The following GALK2 variants were observed in gnomAD, a reference collection of about 807,000 sequenced individuals.
GALK2 encodes the protein galactokinase 2.
GALK2 carries 36 observed loss-of-function variants against 52.4 expected under a neutral mutation model. The observed-to-expected ratio is 0.69, with a 90% CI of 0.53 to 0.91. The LOEUF (loss-of-function observed/expected upper bound fraction) is 0.91. Ranked by LOEUF, GALK2 falls within the 40% of genes least tolerant of loss-of-function variation. The probability of loss-of-function intolerance (pLI) is 0.00; values close to 1 mark genes in which losing one functional copy is unlikely to be tolerated. For synonymous variants in GALK2, 176 were observed against 199.1 expected, an observed-to-expected ratio of 0.88 and a Z score of 0.98; for missense variants, 579 against 559.1, an observed-to-expected ratio of 1.04 and a Z score of -0.36.
At chr15:49,171,856 C>G (rs1228040155) in intron 1 of GALK2, among the ~76,000 whole-genome samples, 1 of 151,792 alleles carries the variant, frequency 6.6e-6, no homozygotes, top group Non-Finnish European at 1.5e-5. Flanking sequence ...ACTGCAACCT[C>G]CACCTCCCAG....
At chr15:49,281,963 A>G in intron 5 of GALK2, 24 bp from the exon 6 acceptor site, 1 of 1,564,038 alleles carries the variant, frequency 6.4e-7, no homozygotes, top group Non-Finnish European at 8.8e-7. Flanking sequence ...TACTCACAGT[A>G]CAAATCAGTT....
rs1291528002 is a variant in GALK2, at chr15:49,311,072, G to C, written c.968-8532G>C. 2.0e-5 allele frequency among the ~76,000 whole-genome samples: 3 copies of C among 151,992 alleles called. No individual in the cohort carries two copies. The East Asian group carries it at 5.8e-4, about 29-fold the overall frequency. ...CATCTTAAGTTGATTTTTTTATATG[G>C]TGAGAGACAGGAGTCTATTTGTCTT... On this transcript the variant is annotated intron_variant, in intron 8 of 9. Transcript: ENST00000560031.
At chr15:49,239,007 G>T (rs1288439651) in intron 4 of GALK2, among the ~76,000 whole-genome samples, 1 of 151,850 alleles carries the variant, frequency 6.6e-6, no homozygotes, top group East Asian at 1.9e-4. Flanking sequence ...TTCAAGGCAA[G>T]AAAATTAAAG....
intron 7 of GALK2, among the ~76,000 whole-genome samples, chr15:49,290,639 T>C (rs1322849044): frequency 6.6e-6 from 1 of 152,238 alleles, no homozygotes; most frequent in Non-Finnish European, 1.5e-5. Context: ...TACTGTGGAC[T>C]GAAAGCTTCT....
chr15:49,302,498 C>G (rs1483939593), intron 8 of GALK2, among the ~76,000 whole-genome samples: 3 of 152,102 alleles, frequency 2.0e-5, no homozygotes, highest in Non-Finnish European at 2.9e-5. Context: ...ATGCAGTTCT[C>G]ATAGATTATC....
intron 5 of GALK2, among the ~76,000 whole-genome samples, chr15:49,257,269 T>C (rs960305767): frequency 2.0e-5 from 3 of 152,188 alleles, no homozygotes; most frequent in Non-Finnish European, 2.9e-5. Context: ...AAAGTTGTCA[T>C]AGTAACAGTT....
At chr15:49,205,197 C>T (rs1315001259) in intron 2 of GALK2, among the ~76,000 whole-genome samples, 1 of 152,130 alleles carries the variant, frequency 6.6e-6, no homozygotes, top group African/African-American at 2.4e-5. Context: ...CATGCGCGTG[C>T]ACATATCTTT....
chr15:49,228,682 T>TATATATATATATAC (rs1555409030), intron 3 of GALK2, among the ~76,000 whole-genome samples: 3 of 14,558 alleles, frequency 2.1e-4, no homozygotes, highest in African/African-American at 8.6e-4. Context: ...TATATATATA[T>TATATATATATATAC]ATATATTTTT....
chr15:49,320,659 A>C (rs1220609750), intron 9 of GALK2, among the ~76,000 whole-genome samples: 1 of 152,218 alleles, frequency 6.6e-6, no homozygotes, highest in Non-Finnish European at 1.5e-5. Context: ...GTTTAAACCA[A>C]GTAACTCCAG....
intron 3 of GALK2, among the ~76,000 whole-genome samples, chr15:49,224,303 CTGTT>C (rs1164084736): frequency 2.0e-5 from 3 of 152,108 alleles, no homozygotes; most frequent in Non-Finnish European, 4.4e-5. Context: ...TCTGTTTACT[CTGTT>C]GATAGTTTCT....
At chr15:49,314,348 C>G (rs1261803298) in intron 8 of GALK2, among the ~76,000 whole-genome samples, 1 of 152,208 alleles carries the variant, frequency 6.6e-6, no homozygotes, top group Non-Finnish European at 1.5e-5. Context: ...AAACAATTCT[C>G]AGTCATCTGT....
chr15:49,259,403 T>C, intron 5 of GALK2, among the ~76,000 whole-genome samples: 1 of 137,662 alleles, frequency 7.3e-6, no homozygotes, highest in Non-Finnish European at 1.5e-5. Context: ...TGTGTTCTCA[T>C]TGTTCAGTTC....
At chr15:49,182,771 T>G (rs866446409) in intron 1 of GALK2, among the ~76,000 whole-genome samples, 1 of 152,246 alleles carries the variant, frequency 6.6e-6, no homozygotes, top group African/African-American at 2.4e-5. Flanking sequence ...ATATACCTGT[T>G]TGCCATTTTT....
chr15:49,238,036 A>G (rs2090918880), intron 4 of GALK2, among the ~76,000 whole-genome samples: 2 of 152,316 alleles, frequency 1.3e-5, no homozygotes, highest in Admixed American at 6.5e-5. Context: ...GCTAGGACAG[A>G]CAGACAAAAA....
At chr15:49,276,372 A>G (rs1418604239) in intron 5 of GALK2, among the ~76,000 whole-genome samples, 1 of 152,222 alleles carries the variant, frequency 6.6e-6, no homozygotes, top group East Asian at 1.9e-4. Context: ...AGGTAGAAAT[A>G]TGCCTTTGTC....
upstream of GALK2, among the ~76,000 whole-genome samples, chr15:49,169,865 T>C (rs908543786): frequency 6.6e-6 from 1 of 152,204 alleles, no homozygotes; most frequent in Non-Finnish European, 1.5e-5. Flanking sequence ...GGGGAGTAGC[T>C]GCTGAACAAT....
intron 3 of GALK2, among the ~76,000 whole-genome samples, chr15:49,336,889 A>G (rs536230628): frequency 6.6e-6 from 1 of 152,134 alleles, no homozygotes; most frequent in Non-Finnish European, 1.5e-5. Flanking sequence ...TGCAGTGTCT[A>G]TTGTTGACAC....
intron 5 of GALK2, among the ~76,000 whole-genome samples, chr15:49,276,817 A>G (rs2031738424): frequency 6.7e-6 from 1 of 150,056 alleles, no homozygotes; most frequent in African/African-American, 2.4e-5. Context: ...TTTATTTATT[A>G]ATTATTTATT....
At chr15:49,344,999 C>A (rs915249262) in intron 3 of GALK2, among the ~76,000 whole-genome samples, 14 of 152,132 alleles carry the variant, frequency 9.2e-5, no homozygotes, top group Non-Finnish European at 1.5e-4. Context: ...GCTGCTTAAA[C>A]TTTATTTGCA....
Sources: gnomAD v4.1 joint callset for allele counts (sites outside exome capture counted in the v4.1 genomes callset) on GRCh38, gnomAD v4.1.1 for gene constraint, MANE v1.5 for transcripts, NCBI Gene and HGNC (gene_info 2026-07-23, HGNC 2026-07-21) for gene names.